PTGES3L: variants seen among roughly 807,000 people sequenced by gnomAD.
PTGES3L encodes the protein prostaglandin E synthase 3 like, also known as putative protein PTGES3L.
PTGES3L carries 17 observed loss-of-function variants against 25.0 expected under a neutral mutation model. The observed-to-expected ratio is 0.68, with a 90% CI of 0.47 to 1.02. The LOEUF is 1.02. PTGES3L is among the 50% of genes least tolerant of loss of function. The probability of loss-of-function intolerance (pLI) is 0.00; values close to 1 mark genes in which losing one functional copy is unlikely to be tolerated. For missense variants in PTGES3L, 202 were observed against 197.5 expected, an observed-to-expected ratio of 1.02 and a Z score of -0.14; for synonymous variants, 59 against 65.7, an observed-to-expected ratio of 0.90 and a Z score of 0.50.
At chr17:42,972,631 GT>G (rs1240227114) in intron 4 of PTGES3L, among the ~76,000 whole-genome samples, 1 of 152,092 alleles carries the variant, frequency 6.6e-6, no homozygotes, top group Non-Finnish European at 1.5e-5. Flanking sequence ...GTGCTCAATG[GT>G]GCCCAGGCTG....
intron 5 of PTGES3L, among the ~76,000 whole-genome samples, chr17:42,970,676 G>GCGCACACACA (rs1490786473): frequency 9.7e-5 from 14 of 144,192 alleles, no homozygotes; most frequent in Non-Finnish European, 1.5e-4. Context: ...CTTAACACGC[G>GCGCACACACA]CACACACACA....
intron 4 of PTGES3L, among the ~76,000 whole-genome samples, chr17:42,978,077 C>CAAAAAAAAAAAAAAAAAAAAAAAAAAAAA (rs368420097): frequency 2.1e-5 from 1 of 47,400 alleles, no homozygotes; most frequent in Non-Finnish European, 3.4e-5. Flanking sequence ...AACTCCGAAT[C>CAAAAAAAAAAAAAAAAAAAAAAAAAAAAA]AAAAAAAAAA....
In PTGES3L at chr17:42,971,619, T is replaced by A. The variant is rs926496978; in HGVS notation, c.366A>T (p.Glu122Asp). 7 of 1,613,924 alleles carry A rather than the reference T, an allele frequency of 4.3e-6. No homozygotes were observed. Among genetic ancestry groups the A allele is most frequent in the Non-Finnish European group, 5.9e-6 (7 of 1,180,000 alleles). Residue 122 changes from glutamate to aspartate, a missense_variant, in exon 5 of 7, where the codon GAA becomes GAT. Transcript: ENST00000591916. ...TGTTGTCTCTCACCTCTGCATAATG[T>A]TCCACATGAGCCAGCTCCATCTCTT... is the stretch of plus-strand genomic sequence containing the variant. ...GDEEMELAHV[E>D]HYAELLKKVS...
intron 4 of PTGES3L, among the ~76,000 whole-genome samples, chr17:42,977,838 G>A (rs2049987470): frequency 6.6e-6 from 1 of 152,042 alleles, no homozygotes; most frequent in African/African-American, 2.4e-5. Context: ...CAGCACTTTA[G>A]GAGGCCGATG....
intron 5 of PTGES3L, among the ~76,000 whole-genome samples, chr17:42,970,669 A>AAC: frequency 8.4e-6 from 1 of 118,404 alleles, no homozygotes; most frequent in East Asian, 2.4e-4. Context: ...TGTCTGGCTT[A>AAC]ACACGCGCAC....
intron 4 of PTGES3L, among the ~76,000 whole-genome samples, chr17:42,977,683 GAAAGAAAGA>G (rs1189320306): frequency 1.6e-5 from 2 of 125,100 alleles, no homozygotes; most frequent in East Asian, 4.6e-4. Flanking sequence ...GAGAGAGAGA[GAAAGAAAGA>G]AAAGAAAGAA....
chr17:42,968,801 G>T lies in PTGES3L; in HGVS notation c.*347C>A. 1 of 237,064 alleles carries T rather than the reference G, an allele frequency of 4.2e-6. No homozygotes were observed. Among genetic ancestry groups the T allele is most frequent in the Non-Finnish European group, 8.1e-6 (1 of 123,418 alleles). The allele number at this position is 237,064 out of a possible 1,614,324, so 14.7% of individuals were successfully genotyped here. A position where few individuals can be genotyped will look rare whatever the true frequency, so the allele number is the denominator to read the frequency against. On this transcript the variant is annotated 3_prime_UTR_variant, in exon 7 of 7. Coordinates refer to ENST00000591916, the MANE Select transcript of PTGES3L (RefSeq NM_001261430.2). The stretch of plus-strand genomic sequence containing the variant: ...TTGCCCCATATGCACACATAGTAGA[G>T]ATTTCTATAATCTGCATTCTTCTTT...
Position 42,980,029 on chromosome 17 carries a change from G to C in PTGES3L, c.8+17C>G, listed in dbSNP as rs1194380985. Reference sequence around the variant, plus strand: ...GGGAAAAGGGCCAGGGGGAGCACCGGAGCCGGAAACACTCACCGTGCCATT... The same window carrying C: ...GGGAAAAGGGCCAGGGGGAGCACCGCAGCCGGAAACACTCACCGTGCCATT... On this transcript the variant is annotated intron_variant, in intron 1 of 6. Coordinates refer to ENST00000591916, the MANE Select transcript of PTGES3L (RefSeq NM_001261430.2). 1.6e-5 allele frequency: 25 copies of C among 1,547,448 alleles called. No individual in the cohort carries two copies. The highest frequency in any genetic ancestry group is 2.0e-5 in the Non-Finnish European group (23 of 1,145,510).
intron 4 of PTGES3L, among the ~76,000 whole-genome samples, chr17:42,973,096 G>A (rs920442257): frequency 4.4e-5 from 6 of 135,772 alleles, no homozygotes; most frequent in East Asian, 4.6e-4. Context: ...CAACCACCCC[G>A]TCTGAGAAGT....
chr17:42,972,009 G>A (rs2049846391), intron 4 of PTGES3L: 2 of 255,090 alleles, frequency 7.8e-6, no homozygotes, highest in Non-Finnish European at 1.5e-5. Flanking sequence ...CCAATATGGT[G>A]AAACCTCGTC....
chr17:42,977,727 G>A (rs1210065503), intron 4 of PTGES3L, among the ~76,000 whole-genome samples: 1 of 150,988 alleles, frequency 6.6e-6, no homozygotes, highest in Non-Finnish European at 1.5e-5. Flanking sequence ...GAAAGAATAA[G>A]ACTCATCAAT....
chr17:42,972,537 C>T (rs910403362), intron 4 of PTGES3L, among the ~76,000 whole-genome samples: 6 of 152,158 alleles, frequency 3.9e-5, no homozygotes, highest in African/African-American at 9.7e-5. Flanking sequence ...TTGGCTGGGC[C>T]GGTCTCCAGC....
intron 4 of PTGES3L, among the ~76,000 whole-genome samples, chr17:42,975,031 G>A (rs1484161294): frequency 2.0e-5 from 3 of 150,302 alleles, no homozygotes; most frequent in Admixed American, 6.7e-5. Context: ...ACCTACTCAA[G>A]AGGCTAAGGT....
At chr17:42,969,959 TCTA>T (rs2049802755) in intron 6 of PTGES3L, among the ~76,000 whole-genome samples, 1 of 151,882 alleles carries the variant, frequency 6.6e-6, no homozygotes, top group South Asian at 2.1e-4. Flanking sequence ...AAACCCTGTC[TCTA>T]CTAAAAATAC....
At chr17:42,976,015 C>G (rs1384383059) in intron 4 of PTGES3L, among the ~76,000 whole-genome samples, 2 of 151,634 alleles carry the variant, frequency 1.3e-5, no homozygotes, top group African/African-American at 4.8e-5. Context: ...TGGAGTCTCA[C>G]TCTATTGCAC....
At chr17:42,976,065 C>T (rs1013551818) in intron 4 of PTGES3L, among the ~76,000 whole-genome samples, 2 of 152,096 alleles carry the variant, frequency 1.3e-5, no homozygotes, top group East Asian at 3.9e-4. Context: ...TCACTGCAAC[C>T]TCTGCCTCCC....
At chr17:42,979,816 G>T in intron 1 of PTGES3L, 153 bp from the exon 2 acceptor site, 1 of 1,404,232 alleles carries the variant, frequency 7.1e-7, no homozygotes, top group Non-Finnish European at 9.5e-7. Flanking sequence ...AATGACAGGA[G>T]TGGGTGGGTG....
rs574130727 is a variant in PTGES3L, at chr17:42,968,973, C to T, written c.*175G>A. On this transcript the variant is annotated 3_prime_UTR_variant, in exon 7 of 7. Transcript: ENST00000591916. ...TCTGATGTGGAGCCATAGTCAAGTGCCTAGGAGGAAGACAAGCTTGAAGGA... is the reference window on the plus strand; with the variant it reads ...TCTGATGTGGAGCCATAGTCAAGTGTCTAGGAGGAAGACAAGCTTGAAGGA... 7.1e-6 allele frequency: 4 copies of T among 565,580 alleles called. No individual in the cohort carries two copies. Among genetic ancestry groups the T allele is most frequent in the African/African-American group, 5.6e-5 (3 of 53,328 alleles). 35.0% of individuals were successfully genotyped at this position (565,580 alleles called of 1,614,324 possible).
intron 5 of PTGES3L, among the ~76,000 whole-genome samples, chr17:42,971,160 A>T (rs691019): frequency 1.3e-5 from 2 of 152,002 alleles, no homozygotes; most frequent in African/African-American, 4.8e-5. Context: ...ATTATCCAGA[A>T]GTGGTGGTGG....
Sources: allele counts gnomAD v4.1 joint callset (sites outside exome capture counted in the v4.1 genomes callset), GRCh38; gene constraint gnomAD v4.1.1; transcripts MANE v1.5; gene names NCBI Gene and HGNC (gene_info 2026-07-23, HGNC 2026-07-21).